HDAC4: variants seen among roughly 807,000 people sequenced by gnomAD.
HDAC4 encodes histone deacetylase 4.
HDAC4 carries 16 observed loss-of-function variants against 135.1 expected under a neutral mutation model. The ratio of observed to expected loss-of-function variants is 0.12; its 90% confidence interval spans 0.08 to 0.18. The LOEUF (loss-of-function observed/expected upper bound fraction) is 0.18. HDAC4 is among the 10% of genes least tolerant of loss of function. The probability of loss-of-function intolerance (pLI) is 1.00; values close to 1 mark genes in which losing one functional copy is unlikely to be tolerated. For synonymous variants in HDAC4, 685 were observed against 653.4 expected (o/e 1.05, Z -0.74); for missense variants, 1,143 against 1,511.8 (o/e 0.76, Z 4.05).
chr2:239,134,768 TA>T, intron 9 of HDAC4, 125 bp from the exon 10 acceptor site: 1 of 761,118 alleles, frequency 1.3e-6, no homozygotes. Context: ...AACGTACATG[TA>T]ACAAATGAGA....
At chr2:239,302,522 A>T (rs1479232031) in intron 2 of HDAC4, among the ~76,000 whole-genome samples, 1 of 152,214 alleles carries the variant, frequency 6.6e-6, no homozygotes, top group Admixed American at 6.5e-5. Context: ...TTCCCCCAGG[A>T]AGGAGAATCC....
At chr2:239,382,237 T>A (rs944721995) in intron 1 of HDAC4, among the ~76,000 whole-genome samples, 3 of 152,252 alleles carry the variant, frequency 2.0e-5, no homozygotes, top group Admixed American at 1.3e-4. Context: ...ACCATTTTTT[T>A]AAATGAATAG....
At chr2:239,233,430 T>G (rs1475066695) in intron 3 of HDAC4, among the ~76,000 whole-genome samples, 2 of 144,572 alleles carry the variant, frequency 1.4e-5, no homozygotes, top group Admixed American at 7.0e-5. Flanking sequence ...GCTCAACCAG[T>G]AAGAATAATG....
At chr2:239,261,175 A>C (rs961456555) in intron 2 of HDAC4, among the ~76,000 whole-genome samples, 1 of 152,156 alleles carries the variant, frequency 6.6e-6, no homozygotes, top group Non-Finnish European at 1.5e-5. Context: ...TAAAGATAAG[A>C]CTGAGCCCAG....
intron 4 of HDAC4, among the ~76,000 whole-genome samples, chr2:239,187,511 C>T (rs536898807): frequency 5.3e-5 from 8 of 152,298 alleles, no homozygotes; most frequent in Middle Eastern, 3.4e-3. Context: ...CCCCCGGACC[C>T]GCGCCTTCTG....
chr2:239,279,149 C>G (rs2050564222), intron 2 of HDAC4, among the ~76,000 whole-genome samples: 1 of 152,204 alleles, frequency 6.6e-6, no homozygotes, highest in South Asian at 2.1e-4. Context: ...CATCAGCAAA[C>G]TCAAATTTCA....
At chr2:239,345,380 C>G (rs1047706608) in intron 2 of HDAC4, among the ~76,000 whole-genome samples, 2 of 152,058 alleles carry the variant, frequency 1.3e-5, no homozygotes, top group Non-Finnish European at 2.9e-5. Flanking sequence ...GAGATTCGGT[C>G]TCCACAAAAA....
chr2:239,335,010 G>A (rs2898825), intron 2 of HDAC4, among the ~76,000 whole-genome samples: 5,060 of 111,860 alleles, frequency 0.045, 326 homozygotes, highest in African/African-American at 0.16. Context: ...GGAAGACAGA[G>A]CAAGACTCCA....
rs911093181 is a variant in HDAC4, at chr2:239,306,528, A to G, written c.22+46150T>C. ...GAGCCATCAAATCATCTGGGCCCCG[A>G]CACACTTGTTTCGTACCTTTCCCGG... On this transcript the variant is annotated intron_variant, in intron 2 of 26. Coordinates refer to ENST00000543185, the MANE Select transcript of HDAC4 (RefSeq NM_001378414.1). This position sits in a 1 kb window ranked among gnomAD's most constrained non-coding sequence, Gnocchi z 4.5. Among the ~76,000 whole-genome samples the G allele has an allele frequency of 6.6e-6, 1 of 152,104 alleles. No individual in the cohort carries two copies. Among genetic ancestry groups the G allele is most frequent in the African/African-American group, 2.4e-5 (1 of 41,418 alleles).
chr2:239,179,509 G>A (rs575933793), intron 4 of HDAC4, among the ~76,000 whole-genome samples: 110 of 152,274 alleles, frequency 7.2e-4, no homozygotes, highest in African/African-American at 2.4e-3. Context: ...CTGATGATCT[G>A]AGGTGGTGGA....
chr2:239,238,033 C>T (rs139934246), intron 2 of HDAC4, among the ~76,000 whole-genome samples: 399 of 152,230 alleles, frequency 2.6e-3, no homozygotes, highest in African/African-American at 9.1e-3. Flanking sequence ...CCTGAGCAAT[C>T]GCCCCAAGTC....
intron 15 of HDAC4, 28 bp downstream of exon 15, chr2:239,108,022 G>A (rs747444088): frequency 6.2e-7 from 1 of 1,610,056 alleles, no homozygotes; most frequent in East Asian, 2.2e-5. Flanking sequence ...CAAAGCCGCA[G>A]CTGCCCACCT....
At chr2:239,175,319 C>T (rs558635473) in intron 5 of HDAC4, among the ~76,000 whole-genome samples, 14 of 152,328 alleles carry the variant, frequency 9.2e-5, no homozygotes, top group Admixed American at 5.9e-4. Flanking sequence ...CTCAGCCCCA[C>T]GGTGGACCCT....
chr2:239,205,327 C>G (rs957181146), intron 3 of HDAC4, among the ~76,000 whole-genome samples: 1 of 152,060 alleles, frequency 6.6e-6, no homozygotes, highest in East Asian at 1.9e-4. Flanking sequence ...AACAGCAGAC[C>G]GCTGAGACAG....
At chr2:239,073,809 A>G (rs2034449758) in intron 22 of HDAC4, among the ~76,000 whole-genome samples, 1 of 152,158 alleles carries the variant, frequency 6.6e-6, no homozygotes, top group Admixed American at 6.5e-5. Context: ...CAGTGGCAGG[A>G]TGGAGAGAAT....
At chr2:239,292,529 T>C (rs886297437) in intron 2 of HDAC4, among the ~76,000 whole-genome samples, 11 of 152,282 alleles carry the variant, frequency 7.2e-5, no homozygotes, top group Admixed American at 3.9e-4. Context: ...GTGGGCATAC[T>C]TGGCAGGGCC....
intron 17 of HDAC4, among the ~76,000 whole-genome samples, 168 bp from the exon 18 acceptor site, chr2:239,090,284 A>G (rs1046832678): frequency 2.6e-5 from 4 of 152,234 alleles, no homozygotes; most frequent in Admixed American, 2.0e-4. Flanking sequence ...TTTTTAAGAC[A>G]TGCCAAAAAG....
chr2:239,122,540 G>A (rs2039782515), intron 12 of HDAC4, among the ~76,000 whole-genome samples: 1 of 152,188 alleles, frequency 6.6e-6, no homozygotes, highest in South Asian at 2.1e-4. Flanking sequence ...TGCATACAAG[G>A]CACGGGCAAC....
Position 239,313,477 on chromosome 2 carries a change from G to A in HDAC4, c.22+39201C>T, listed in dbSNP as rs150079808. 5.7e-3 allele frequency among the ~76,000 whole-genome samples: 871 copies of A among 152,136 alleles called. 13 individuals are homozygous for A. Among genetic ancestry groups the A allele is most frequent in the African/African-American group, 0.02 (818 of 41,518 alleles). ...CCAATTGGGGGCTGGCCATCCCACC[G>A]AGCACTGATACCGCAGGCTGGACTC... On this transcript the variant is annotated intron_variant, in intron 2 of 26. Coordinates refer to ENST00000543185, the MANE Select transcript of HDAC4 (RefSeq NM_001378414.1). The surrounding 1 kb of genome is among the most constrained non-coding windows in gnomAD (Gnocchi z 5.1).
Sources: allele counts gnomAD v4.1 joint callset (sites outside exome capture counted in the v4.1 genomes callset), GRCh38; gene constraint gnomAD v4.1.1; non-coding constraint Gnocchi (gnomAD v3.1); transcripts MANE v1.5; gene names NCBI Gene and HGNC (gene_info 2026-07-23, HGNC 2026-07-21).